CLOCK: variants seen among roughly 807,000 people sequenced by gnomAD.
CLOCK encodes clock circadian regulator, also known as circadian locomoter output cycles protein kaput.
In CLOCK, 43 loss-of-function variants were observed where a neutral mutation model predicts 118.4. That is an observed-to-expected ratio of 0.36 (90% confidence interval 0.28 to 0.47). The LOEUF (loss-of-function observed/expected upper bound fraction) is 0.47, where lower values mean the gene tolerates loss of function less well. Among genes scored for constraint, CLOCK ranks in the 20% least tolerant of loss-of-function variants. CLOCK has a pLI of 1.00. For synonymous variants in CLOCK, 326 were observed against 339.2 expected (o/e 0.96, Z 0.43); for missense variants, 846 against 999.9 (o/e 0.85, Z 2.08).
intron 6 of CLOCK, among the ~76,000 whole-genome samples, chr4:55,477,884 G>A (rs967052005): frequency 2.6e-5 from 4 of 151,968 alleles, no homozygotes; most frequent in African/African-American, 9.7e-5. Flanking sequence ...AAGGGAGGAG[G>A]GATAAAAATT....
chr4:55,474,760 C>T (rs1271426971), intron 7 of CLOCK, among the ~76,000 whole-genome samples: 3 of 152,204 alleles, frequency 2.0e-5, no homozygotes, highest in Non-Finnish European at 2.9e-5. Flanking sequence ...GATGACAGCA[C>T]ATCTGTTGAC....
intron 3 of CLOCK, chr4:55,486,600 A>G (rs1344685212): frequency 6.6e-6 from 1 of 152,186 alleles, no homozygotes; most frequent in Non-Finnish European, 1.5e-5. Context: ...GTAAGTCTAA[A>G]ACTGTCATTA....
chr4:55,480,249 C>T (rs970044259), intron 4 of CLOCK, among the ~76,000 whole-genome samples: 10 of 152,072 alleles, frequency 6.6e-5, no homozygotes, highest in African/African-American at 2.2e-4. Flanking sequence ...TAGCTGCTTT[C>T]CTACAGTTTT....
chr4:55,506,856 C>T (rs958850699), intron 2 of CLOCK, among the ~76,000 whole-genome samples: 5 of 152,050 alleles, frequency 3.3e-5, no homozygotes, highest in Non-Finnish European at 7.4e-5. Context: ...CCACCACGCC[C>T]GGTCTATAGT....
chr4:55,449,350 C>T, intron 17 of CLOCK, 46 bp downstream of exon 17: 1 of 1,490,824 alleles, frequency 6.7e-7, no homozygotes, highest in Non-Finnish European at 9.4e-7. Flanking sequence ...CATTTTTCCC[C>T]TCTTAATAAA....
rs1428708120 is a variant in CLOCK, at chr4:55,470,732, T to C, written c.423A>G (p.Leu141=). 4 of 1,604,030 alleles carry C rather than the reference T, an allele frequency of 2.5e-6. No homozygotes were observed. The African/African-American group carries it at 5.4e-5, about 21-fold the overall frequency. ...TTATACTTACTGGTAAATGTTCAAG[T>C]AATGAAGTTACACTCTCAGACACAT... ...IIYVSESVTS[L]LEHLPSDLVD... Residue 141 remains leucine, a synonymous_variant, in exon 8 of 23, where the codon TTA becomes TTG. Coordinates refer to ENST00000513440, the MANE Select transcript of CLOCK (RefSeq NM_004898.4).
chr4:55,488,381 G>A (rs1727446062), intron 3 of CLOCK, among the ~76,000 whole-genome samples: 1 of 152,158 alleles, frequency 6.6e-6, no homozygotes, highest in African/African-American at 2.4e-5. Flanking sequence ...AATGCAGTCA[G>A]ATATCCAACT....
At chr4:55,462,634 C>T (rs1408496692) in intron 9 of CLOCK, among the ~76,000 whole-genome samples, 1 of 152,196 alleles carries the variant, frequency 6.6e-6, no homozygotes, top group Non-Finnish European at 1.5e-5. Context: ...CTCAAGCAAT[C>T]CATTCCATCC....
intron 22 of CLOCK, among the ~76,000 whole-genome samples, chr4:55,435,980 G>A (rs1722848954): frequency 6.6e-6 from 1 of 152,194 alleles, no homozygotes; most frequent in Non-Finnish European, 1.5e-5. Flanking sequence ...AATGCCTTCT[G>A]CACACAGGTT....
intron 21 of CLOCK, among the ~76,000 whole-genome samples, chr4:55,441,778 CTCAGGTGA>C (rs1211818380): frequency 6.6e-6 from 1 of 152,148 alleles, no homozygotes; most frequent in Non-Finnish European, 1.5e-5. Context: ...ATGTGCACTA[CTCAGGTGA>C]TCAGTGCACT....
chr4:55,500,289 A>G (rs189216386), intron 2 of CLOCK, among the ~76,000 whole-genome samples: 7 of 152,042 alleles, frequency 4.6e-5, no homozygotes, highest in African/African-American at 1.4e-4. Context: ...AAGTCTTCAG[A>G]TAATTGTTTT....
At chr4:55,538,836 G>C (rs1731070456) in intron 1 of CLOCK, among the ~76,000 whole-genome samples, 1 of 152,132 alleles carries the variant, frequency 6.6e-6, no homozygotes, top group South Asian at 2.1e-4. Flanking sequence ...CAATAAGACT[G>C]GTAGCTGACT....
chr4:55,450,151 G>A lies in CLOCK; in HGVS notation c.1288C>T (p.Pro430Ser), dbSNP rs769517213. 1 of 1,614,038 alleles carries A rather than the reference G, an allele frequency of 6.2e-7. No homozygotes were observed. Among genetic ancestry groups the A allele is most frequent in the South Asian group, 1.1e-5 (1 of 91,066 alleles). ...CTTGAACTCCGAGAAGAGGCAGAAG[G>A]GGTTGGGCTGTGATCAAACCTTTCC... ...ALERFDHSPT[P>S]SASSRSSRKS... is the part of the protein sequence containing the mutation. The change falls in exon 16 of 23, where the codon CCT becomes TCT. Residue 430 changes from proline to serine, a missense_variant. Pro to Ser is a moderately conservative substitution (Grantham distance 74). Coordinates refer to ENST00000513440, the MANE Select transcript of CLOCK (RefSeq NM_004898.4).
chr4:55,497,220 A>C (rs955103607), intron 2 of CLOCK, among the ~76,000 whole-genome samples: 1 of 152,084 alleles, frequency 6.6e-6, no homozygotes, highest in African/African-American at 2.4e-5. Context: ...TTTAGAGGCC[A>C]CCCGTATTCT....
At chr4:55,457,886 G>A (rs190737545) in intron 11 of CLOCK, among the ~76,000 whole-genome samples, 58 of 152,176 alleles carry the variant, frequency 3.8e-4, no homozygotes, top group African/African-American at 1.4e-3. Context: ...AATGTAAAAT[G>A]AGGGATCGTA....
At chr4:55,436,687 TTC>T (rs774150805) in intron 22 of CLOCK, among the ~76,000 whole-genome samples, 11 of 152,168 alleles carry the variant, frequency 7.2e-5, no homozygotes, top group Non-Finnish European at 1.5e-4. Flanking sequence ...AGAGTTTTCT[TTC>T]TCTCTTTGTT....
intron 1 of CLOCK, among the ~76,000 whole-genome samples, chr4:55,526,319 A>C (rs1730183672): frequency 6.6e-6 from 1 of 152,206 alleles, no homozygotes; most frequent in Non-Finnish European, 1.5e-5. Context: ...ATCAATCCTA[A>C]AAACCCCATC....
chr4:55,482,145 T>C (rs1457951345), intron 4 of CLOCK, among the ~76,000 whole-genome samples: 8 of 152,206 alleles, frequency 5.3e-5, no homozygotes, highest in Non-Finnish European at 2.9e-5. Context: ...AGGTTTTTCA[T>C]GCGGGTAGAC....
chr4:55,544,080 T>G (rs933495779), intron 1 of CLOCK, among the ~76,000 whole-genome samples: 3 of 151,502 alleles, frequency 2.0e-5, no homozygotes, highest in Non-Finnish European at 2.9e-5. Context: ...CAGCTGCCTG[T>G]GCAGTCTTAA....
Sources: allele counts gnomAD v4.1 joint callset (sites outside exome capture counted in the v4.1 genomes callset), GRCh38; gene constraint gnomAD v4.1.1; transcripts MANE v1.5; gene names NCBI Gene and HGNC (gene_info 2026-07-23, HGNC 2026-07-21).